Variants in BMAL1 observed in about 807,000 individuals in gnomAD.
The protein encoded by BMAL1 is basic helix-loop-helix ARNT like 1, also known as basic helix-loop-helix ARNT-like protein 1.
chr11:13,369,703 G>A, the BMAL1 span: 2 of 1,614,182 alleles, frequency 1.2e-6, no homozygotes, highest in Non-Finnish European at 1.7e-6. Flanking sequence ...GTAGGATGAA[G>A]TGTAACAGGC....
the BMAL1 span, among the ~76,000 whole-genome samples, chr11:13,281,752 C>T: frequency 2.0e-5 from 3 of 152,194 alleles, no homozygotes; most frequent in Non-Finnish European, 4.4e-5. Flanking sequence ...TCAAGTGACC[C>T]ACCTGCACTG....
the BMAL1 span, among the ~76,000 whole-genome samples, chr11:13,343,985 A>G: frequency 2.0e-5 from 3 of 152,174 alleles, no homozygotes; most frequent in Non-Finnish European, 4.4e-5. Context: ...ATCTAGAGCT[A>G]CCAGTTGAAT....
At chr11:13,342,975 T>A in the BMAL1 span, among the ~76,000 whole-genome samples, 1 of 152,220 alleles carries the variant, frequency 6.6e-6, no homozygotes, top group Admixed American at 6.5e-5. Flanking sequence ...GGGAAGATAA[T>A]AATGACACTT....
At chr11:13,334,367 T>C in the BMAL1 span, among the ~76,000 whole-genome samples, 1 of 152,184 alleles carries the variant, frequency 6.6e-6, no homozygotes. Flanking sequence ...GTTGAACCAT[T>C]TTCTGTGAAA....
chr11:13,382,910 A>G, the BMAL1 span, among the ~76,000 whole-genome samples: 1 of 152,206 alleles, frequency 6.6e-6, no homozygotes, highest in Non-Finnish European at 1.5e-5. Context: ...TGTGCTCTGC[A>G]TCATAAAGCC....
At chr11:13,311,293 A>G in the BMAL1 span, among the ~76,000 whole-genome samples, 1 of 152,218 alleles carries the variant, frequency 6.6e-6, no homozygotes, top group Non-Finnish European at 1.5e-5. Context: ...CAAGATGAGC[A>G]GTGGGCTGAG....
At chr11:13,338,407 T>G in the BMAL1 span, among the ~76,000 whole-genome samples, 1 of 152,152 alleles carries the variant, frequency 6.6e-6, no homozygotes, top group Non-Finnish European at 1.5e-5. Flanking sequence ...GACAAGTGCA[T>G]TTTAGAAAGG....
At chr11:13,384,068 C>T in the BMAL1 span, among the ~76,000 whole-genome samples, 1 of 152,038 alleles carries the variant, frequency 6.6e-6, no homozygotes, top group Non-Finnish European at 1.5e-5. Context: ...CATTGGACAC[C>T]ATTTTTATTG....
the BMAL1 span, among the ~76,000 whole-genome samples, chr11:13,372,782 G>A: frequency 1.2e-4 from 18 of 152,052 alleles, no homozygotes; most frequent in Admixed American, 9.8e-4. Flanking sequence ...CTGCACTTCC[G>A]CCTGGGCAAC....
At chr11:13,331,195 C>T in the BMAL1 span, among the ~76,000 whole-genome samples, 1 of 152,142 alleles carries the variant, frequency 6.6e-6, no homozygotes, top group African/African-American at 2.4e-5. Context: ...AACAATCAGC[C>T]CATGCATAAG....
the BMAL1 span, among the ~76,000 whole-genome samples, chr11:13,335,563 A>G: frequency 2.0e-5 from 3 of 152,234 alleles, no homozygotes; most frequent in African/African-American, 7.2e-5. Flanking sequence ...AGATTGCCCA[A>G]CATCTGCATA....
the BMAL1 span, among the ~76,000 whole-genome samples, chr11:13,332,361 T>C: frequency 2.0e-5 from 3 of 152,334 alleles, no homozygotes; most frequent in South Asian, 6.2e-4. Context: ...TACACATATT[T>C]GTTTTTCCTA....
the BMAL1 span, among the ~76,000 whole-genome samples, chr11:13,333,723 T>A: frequency 1.3e-5 from 2 of 152,236 alleles, no homozygotes; most frequent in Non-Finnish European, 1.5e-5. Flanking sequence ...TCCTGCTTTA[T>A]GGACATCTTT....
the BMAL1 span, among the ~76,000 whole-genome samples, chr11:13,318,739 G>C: frequency 6.6e-6 from 1 of 152,016 alleles, no homozygotes; most frequent in African/African-American, 2.4e-5. Context: ...CATCTGGAGG[G>C]TGGAGAGGAG....
chr11:13,370,294 GT>G, the BMAL1 span, among the ~76,000 whole-genome samples: 39 of 152,064 alleles, frequency 2.6e-4, no homozygotes, highest in African/African-American at 9.4e-4. Context: ...GTCTCTCTCT[GT>G]TGGTCATGTC....
the BMAL1 span, chr11:13,381,335 C>G: frequency 7.4e-7 from 1 of 1,343,772 alleles, no homozygotes; most frequent in Non-Finnish European, 1.1e-6. Context: ...TATGGAATTG[C>G]AACTGCGATT....
At chr11:13,277,120 T>G in the BMAL1 span, 1 of 152,292 alleles carries the variant, frequency 6.6e-6, no homozygotes, top group Non-Finnish European at 1.5e-5. Flanking sequence ...CTAGAAATAC[T>G]AAGTATCCGT....
At chr11:13,353,976 T>C in the BMAL1 span, among the ~76,000 whole-genome samples, 1 of 152,346 alleles carries the variant, frequency 6.6e-6, no homozygotes, top group Admixed American at 6.5e-5. Flanking sequence ...TTTCTGGTTC[T>C]GGTTTAATTT....
chr11:13,357,351 A>G, the BMAL1 span, among the ~76,000 whole-genome samples: 2 of 152,240 alleles, frequency 1.3e-5, no homozygotes, highest in Admixed American at 6.5e-5. This position sits in a 1 kb window ranked among gnomAD's most constrained non-coding sequence, Gnocchi z 4.8. Flanking sequence ...GAAATCAATC[A>G]AGGCTCAAGT....
Sources: gnomAD v4.1 joint callset for allele counts (sites outside exome capture counted in the v4.1 genomes callset) on GRCh38, gnomAD v4.1.1 for gene constraint, Gnocchi (gnomAD v3.1) non-coding constraint, MANE v1.5 for transcripts, NCBI Gene and HGNC (gene_info 2026-07-23, HGNC 2026-07-21) for gene names.